R3HDM2: variants seen among roughly 807,000 people sequenced by gnomAD.
R3HDM2 encodes R3H domain containing 2, also known as R3H domain-containing protein 2.
A neutral mutation model predicts 124.5 loss-of-function variants in R3HDM2; 38 were observed. That is an observed-to-expected ratio of 0.31 (90% confidence interval 0.24 to 0.40). The LOEUF is 0.40. Among genes scored for constraint, R3HDM2 ranks in the 10% least tolerant of loss-of-function variants. The probability of loss-of-function intolerance (pLI) is 1.00; values close to 1 mark genes in which losing one functional copy is unlikely to be tolerated. For synonymous variants in R3HDM2, 391 were observed against 448.0 expected, an observed-to-expected ratio of 0.87 and a Z score of 1.61; for missense variants, 869 against 1,236.9, an observed-to-expected ratio of 0.70 and a Z score of 4.46.
At chr12:57,340,941 G>C (rs969955352) in intron 2 of R3HDM2, among the ~76,000 whole-genome samples, 1 of 151,312 alleles carries the variant, frequency 6.6e-6, no homozygotes, top group Non-Finnish European at 1.5e-5. Context: ...TCACACCTAA[G>C]AGTATATATA....
chr12:57,409,174 A>G (rs547165876), intron 1 of R3HDM2, among the ~76,000 whole-genome samples: 2 of 152,252 alleles, frequency 1.3e-5, no homozygotes, highest in South Asian at 4.1e-4. Flanking sequence ...CTTATCTGAC[A>G]CTCAAGTTGT....
chr12:57,387,181 A>G (rs1337159449), intron 2 of R3HDM2, among the ~76,000 whole-genome samples: 1 of 152,154 alleles, frequency 6.6e-6, no homozygotes, highest in Non-Finnish European at 1.5e-5. Context: ...ACCAGTGGCA[A>G]CCGGCTGGGG....
chr12:57,283,834 G>A lies in R3HDM2; in HGVS notation c.1161C>T (p.Ile387=), dbSNP rs2046740866. 1.2e-6 allele frequency: 2 copies of A among 1,614,074 alleles called. No individual in the cohort carries two copies. The highest frequency in any genetic ancestry group is 2.2e-5 in the East Asian group (1 of 44,900). The change falls in exon 13 of 24, where the codon ATC becomes ATT. Residue 387 remains isoleucine, a synonymous_variant. Transcript: ENST00000402412. ...GSSKGGSAGR[I]SRPGMALGAP... ...AAGAAGCTGTAATACCTGGCCTGGA[G>A]ATCCTTCCCGCACTGCCGCCTTTAC...
At chr12:57,293,242 T>C (rs909380596) in intron 10 of R3HDM2, among the ~76,000 whole-genome samples, 1 of 152,010 alleles carries the variant, frequency 6.6e-6, no homozygotes, top group African/African-American at 2.4e-5. Flanking sequence ...AGCCTAAGCA[T>C]TTTTTTCCTG....
At chr12:57,413,765 A>C (rs756315279) in intron 1 of R3HDM2, among the ~76,000 whole-genome samples, 42 of 151,852 alleles carry the variant, frequency 2.8e-4, no homozygotes, top group East Asian at 1.2e-3. Context: ...ACAACAACAA[A>C]AAAAACAAAC....
chr12:57,297,283 T>A (rs950722622), intron 8 of R3HDM2, 45 bp downstream of exon 8: 2 of 1,030,670 alleles, frequency 1.9e-6, no homozygotes, highest in African/African-American at 3.3e-5. Context: ...TTATTTCCAG[T>A]GCCCCCTCCC....
At chr12:57,339,659 C>G (rs2059311177) in intron 2 of R3HDM2, among the ~76,000 whole-genome samples, 1 of 150,628 alleles carries the variant, frequency 6.6e-6, no homozygotes, top group South Asian at 2.1e-4. Context: ...GATCATGCCA[C>G]TGCAGTCCAG....
At chr12:57,373,664 C>CG (rs1045717681) in intron 2 of R3HDM2, among the ~76,000 whole-genome samples, 3 of 151,038 alleles carry the variant, frequency 2.0e-5, no homozygotes, top group Admixed American at 6.6e-5. Flanking sequence ...ACAAACTTAG[C>CG]GGGGGGTGGT....
chr12:57,272,023 T>G (rs1565899431), intron 14 of R3HDM2, among the ~76,000 whole-genome samples: 1 of 152,088 alleles, frequency 6.6e-6, no homozygotes, highest in African/African-American at 2.4e-5. Flanking sequence ...GCCTCTCAAG[T>G]AGCTAGGACT....
At position 57,254,746 on chromosome 12, in the gene R3HDM2, T is replaced by A. The variant is rs751935140; in HGVS notation, c.*27A>T. On this transcript the variant is annotated 3_prime_UTR_variant, in exon 24 of 24. Transcript: ENST00000402412. The stretch of plus-strand genomic sequence containing the variant: ...CCCTCCACCCTGCCCTTGCTCCTTC[T>A]GTGACAGTCCCTTTCCCCTCCTCCA... 4 of 1,482,394 alleles carry A rather than the reference T, an allele frequency of 2.7e-6. No individual in the cohort carries two copies. The highest frequency in any genetic ancestry group is 3.7e-6 in the Non-Finnish European group (4 of 1,085,476). 91.8% of individuals were successfully genotyped at this position (1,482,394 alleles called of 1,614,324 possible).
chr12:57,334,459 A>T (rs1349872622), intron 2 of R3HDM2, among the ~76,000 whole-genome samples: 2 of 151,896 alleles, frequency 1.3e-5, no homozygotes, highest in East Asian at 3.9e-4. Context: ...TAAGAGCCTC[A>T]AGATGAGATT....
At chr12:57,281,325 C>T (rs1275624390) in intron 13 of R3HDM2, among the ~76,000 whole-genome samples, 1 of 150,498 alleles carries the variant, frequency 6.6e-6, no homozygotes, top group Non-Finnish European at 1.5e-5. Context: ...GAGAAAACTT[C>T]AAGCATACAC....
At chr12:57,342,480 A>G (rs2059664828) in intron 2 of R3HDM2, among the ~76,000 whole-genome samples, 1 of 118,136 alleles carries the variant, frequency 8.5e-6, no homozygotes. Context: ...ACAGACACAG[A>G]CACAGGCACA....
intron 1 of R3HDM2, among the ~76,000 whole-genome samples, chr12:57,428,766 A>G (rs1262469941): frequency 6.9e-6 from 1 of 144,534 alleles, no homozygotes. Context: ...TTTTTTTTTG[A>G]GACAGTCTCT....
At chr12:57,288,574 C>T (rs1225105202) in intron 12 of R3HDM2, among the ~76,000 whole-genome samples, 2 of 151,992 alleles carry the variant, frequency 1.3e-5, no homozygotes, top group Non-Finnish European at 2.9e-5. Context: ...TGCCCAATTC[C>T]AGCTAATTTC....
intron 14 of R3HDM2, 84 bp from the exon 15 acceptor site, chr12:57,270,078 A>G (rs1054193475): frequency 6.6e-7 from 1 of 1,507,400 alleles, no homozygotes; most frequent in Non-Finnish European, 9.1e-7. Flanking sequence ...AGAAATAGCA[A>G]TGCTTTTTAC....
chr12:57,412,046 A>G (rs1194554894), intron 1 of R3HDM2, among the ~76,000 whole-genome samples: 1 of 152,132 alleles, frequency 6.6e-6, no homozygotes, highest in Non-Finnish European at 1.5e-5. Flanking sequence ...CATAATTTTA[A>G]GTTTCCTGAG....
rs1388932516 is a variant in R3HDM2 at position 57,253,850 on chromosome 12, A to C, written c.*923T>G. ...CCAAACAAACAAAAAAACAGATTAA[A>C]TAAAATTTACAGTGAATATACCCAG... On this transcript the variant is annotated 3_prime_UTR_variant, in exon 24 of 24. Coordinates refer to ENST00000402412, the MANE Select transcript of R3HDM2 (RefSeq NM_001394031.1). 1 of 168,800 alleles carries C rather than the reference A, an allele frequency of 5.9e-6. No individual in the cohort carries two copies. The highest frequency in any genetic ancestry group is 1.3e-5 in the Non-Finnish European group (1 of 79,028). 10.5% of individuals were successfully genotyped at this position (168,800 alleles called of 1,614,324 possible).
chr12:57,346,157 CAA>C (rs1210805432), intron 2 of R3HDM2, among the ~76,000 whole-genome samples: 15 of 53,902 alleles, frequency 2.8e-4, no homozygotes, highest in Admixed American at 6.7e-4. Context: ...AACTCCGTCT[CAA>C]AAAAAAAAAA....
Sources: allele counts gnomAD v4.1 joint callset (sites outside exome capture counted in the v4.1 genomes callset), GRCh38; gene constraint gnomAD v4.1.1; transcripts MANE v1.5; gene names NCBI Gene and HGNC (gene_info 2026-07-23, HGNC 2026-07-21).